The following MALRD1 variants were observed in gnomAD, a reference collection of about 807,000 sequenced individuals.
MALRD1 encodes MAM and LDL receptor class A domain containing 1, also known as MAM and LDL-receptor class A domain-containing protein 1.
A neutral mutation model predicts 242.1 loss-of-function variants in MALRD1; 247 were observed. That is an observed-to-expected ratio of 1.02 (90% CI 0.92 to 1.13). The LOEUF is 1.13. Among genes scored for constraint, MALRD1 ranks in the 50% most tolerant of loss-of-function variants. MALRD1 has a pLI of 0.00. For synonymous variants in MALRD1, 995 were observed against 866.6 expected (o/e 1.15, Z -2.60); for missense variants, 2,989 against 2,533.1 (o/e 1.18, Z -3.86).
chr10:19,279,514 C>A (rs1036196770), intron 19 of MALRD1, among the ~76,000 whole-genome samples: 1 of 152,164 alleles, frequency 6.6e-6, no homozygotes, highest in African/African-American at 2.4e-5. Context: ...TAAATGTCTT[C>A]CATCCTCAGT....
In MALRD1 at chr10:19,315,248, TTATATAAA is replaced by T. The variant is rs1244149704; in HGVS notation, c.3420-8688_3420-8681del. On this transcript the variant is annotated intron_variant, in intron 21 of 39. Transcript: ENST00000454679. ...TAAATATAATTTATAGAAATATAATTTATATAAATATATAAATATAATTTATAGAAATA... is the reference window on the plus strand; with the variant it reads ...TAAATATAATTTATAGAAATATAATTTATATAAATATAATTTATAGAAATA... 1.7e-4 allele frequency among the ~76,000 whole-genome samples: 14 copies of T among 81,596 alleles called. No individual in the cohort carries two copies. In the East Asian group the frequency reaches 2.5e-3, roughly 14 times the overall value. The allele number at this position is 81,596 out of a possible 152,430, so 53.5% of individuals were successfully genotyped here.
At chr10:19,094,458 G>A (rs1056270811) in intron 4 of MALRD1, among the ~76,000 whole-genome samples, 4 of 148,606 alleles carry the variant, frequency 2.7e-5, no homozygotes, top group African/African-American at 7.5e-5. Flanking sequence ...GCTCGCGCAC[G>A]GTGTGCACAC....
chr10:19,181,921 G>T (rs1835523675), intron 14 of MALRD1, among the ~76,000 whole-genome samples: 1 of 152,098 alleles, frequency 6.6e-6, no homozygotes, highest in Admixed American at 6.5e-5. Flanking sequence ...ATTTAATAGT[G>T]TTGTAATGAT....
chr10:19,725,817 C>T lies in MALRD1; in HGVS notation c.6315-4889C>T, dbSNP rs564241341. On this transcript the variant is annotated intron_variant, in intron 38 of 39. Transcript: ENST00000454679. ...ACATCTGTCATGAATTGATGCTTGA[C>T]AACAATGCCAAGTCCATCCAATGGG... 6.6e-5 allele frequency among the ~76,000 whole-genome samples: 10 copies of T among 152,278 alleles called. No individual in the cohort carries two copies. The East Asian group carries it at 1.9e-3, about 29-fold the overall frequency.
At chr10:19,204,487 T>C in intron 16 of MALRD1, 74 bp downstream of exon 16, 1 of 880,992 alleles carries the variant, frequency 1.1e-6, no homozygotes, top group Non-Finnish European at 1.7e-6. Context: ...GGCATACCTC[T>C]GCACTTATTC....
At chr10:19,194,519 A>G (rs529692865) in intron 14 of MALRD1, among the ~76,000 whole-genome samples, 11 of 152,172 alleles carry the variant, frequency 7.2e-5, no homozygotes, top group African/African-American at 2.6e-4. Flanking sequence ...CTGTCAGTCT[A>G]TTACCATACA....
rs377547900 is a variant in MALRD1 at position 19,095,762 on chromosome 10, C to T, written c.597+7577C>T. Among the ~76,000 whole-genome samples the T allele has an allele frequency of 2.2e-4, 34 of 152,172 alleles. No individual in the cohort carries two copies. The East Asian group carries it at 5.8e-3, about 26-fold the overall frequency. On this transcript the variant is annotated intron_variant, in intron 4 of 39. Coordinates refer to ENST00000454679, the MANE Select transcript of MALRD1 (RefSeq NM_001142308.3). ...CTGTGGATGCTCAAGTGTTATTAAC[C>T]GCTGGAGAAGTTATTTTATTTCTTA...
At chr10:19,710,239 T>C (rs997640982) in intron 38 of MALRD1, 1 of 152,182 alleles carries the variant, frequency 6.6e-6, no homozygotes, top group Admixed American at 6.5e-5. Context: ...AAGCAGTGTC[T>C]GGCAGCTGAA....
intron 24 of MALRD1, among the ~76,000 whole-genome samples, chr10:19,340,907 A>G (rs190942345): frequency 2.6e-5 from 4 of 152,224 alleles, no homozygotes; most frequent in Non-Finnish European, 5.9e-5. Flanking sequence ...ACTAAATCAT[A>G]AACTTCATGT....
At chr10:19,719,193 T>TATATATATAC (rs1444949454) in intron 38 of MALRD1, among the ~76,000 whole-genome samples, 3 of 64,350 alleles carry the variant, frequency 4.7e-5, no homozygotes, top group African/African-American at 3.3e-4. Context: ...TATATATACA[T>TATATATATAC]ACATATATAT....
intron 23 of MALRD1, among the ~76,000 whole-genome samples, chr10:19,329,701 C>A (rs1270280402): frequency 6.6e-6 from 1 of 152,148 alleles, no homozygotes; most frequent in East Asian, 1.9e-4. Flanking sequence ...AGTGCAACTG[C>A]CATGCTACAT....
chr10:19,103,446 A>G lies in MALRD1; in HGVS notation c.598-533A>G, dbSNP rs1349016188. Among the ~76,000 whole-genome samples, 4 of 151,196 alleles carry G rather than the reference A, an allele frequency of 2.6e-5. No homozygotes were observed. The Admixed American group carries it at 2.7e-4, about 10-fold the overall frequency. ...CGCGGTGGTGGGCGCCTGTAGTCCC[A>G]GCTACTCGGGAGGCTGAGGCAGGAG... On this transcript the variant is annotated intron_variant, in intron 4 of 39. Transcript: ENST00000454679.
chr10:19,656,928 T>C (rs2131722690), intron 36 of MALRD1, among the ~76,000 whole-genome samples: 1 of 152,260 alleles, frequency 6.6e-6, no homozygotes, highest in Non-Finnish European at 1.5e-5. Flanking sequence ...TCGATCTGGT[T>C]TGTTTTTATT....
intron 31 of MALRD1, among the ~76,000 whole-genome samples, chr10:19,501,944 G>C (rs149110194): frequency 1.8e-3 from 268 of 150,910 alleles, no homozygotes; most frequent in African/African-American, 6.4e-3. Flanking sequence ...CAGGAGAATG[G>C]CTTGAGCCCA....
chr10:19,522,455 CCT>C (rs1460220986), intron 31 of MALRD1, among the ~76,000 whole-genome samples: 2 of 152,042 alleles, frequency 1.3e-5, no homozygotes, highest in African/African-American at 4.8e-5. Flanking sequence ...GGTAACATTT[CCT>C]CTGGTATCCT....
rs111380603 is a variant in MALRD1 at position 19,168,353 on chromosome 10, A to G, written c.1830+2543A>G. 2.8e-3 allele frequency among the ~76,000 whole-genome samples: 434 copies of G among 152,346 alleles called. 2 individuals are homozygous for G. Among genetic ancestry groups the G allele is most frequent in the African/African-American group, 1.0e-2 (415 of 41,588 alleles). On this transcript the variant is annotated intron_variant, in intron 13 of 39. Coordinates refer to ENST00000454679, the MANE Select transcript of MALRD1 (RefSeq NM_001142308.3). Reference sequence around the variant, plus strand: ...TGCCTCCTGCATTTATATTCTATAGAAAATTGTTTTCATTCGGTTTGCTTT... The same window carrying G: ...TGCCTCCTGCATTTATATTCTATAGGAAATTGTTTTCATTCGGTTTGCTTT...
intron 36 of MALRD1, among the ~76,000 whole-genome samples, chr10:19,681,377 C>G (rs978155874): frequency 1.3e-5 from 2 of 151,998 alleles, no homozygotes; most frequent in Non-Finnish European, 2.9e-5. Flanking sequence ...TTTCTCTCAT[C>G]ATGTCTGCCT....
chr10:19,148,784 AAAAAATATAT>A (rs1564423503), intron 11 of MALRD1, among the ~76,000 whole-genome samples: 1 of 63,942 alleles, frequency 1.6e-5, no homozygotes, highest in Non-Finnish European at 3.7e-5. Context: ...AAAAAAAAAA[AAAAAATATAT>A]ATATATATAT....
intron 12 of MALRD1, among the ~76,000 whole-genome samples, chr10:19,164,190 T>G (rs1834568029): frequency 7.4e-6 from 1 of 135,058 alleles, no homozygotes. Context: ...ACAATCAGAA[T>G]TTTTAAATCA....
Sources: allele counts gnomAD v4.1 joint callset (sites outside exome capture counted in the v4.1 genomes callset), GRCh38; gene constraint gnomAD v4.1.1; transcripts MANE v1.5; gene names NCBI Gene and HGNC (gene_info 2026-07-23, HGNC 2026-07-21).